Variants in ASTN2 observed in about 807,000 individuals in gnomAD.
The protein encoded by ASTN2 is astrotactin 2, also known as astrotactin-2.
A neutral mutation model predicts 139.8 loss-of-function variants in ASTN2; 54 were observed. The observed-to-expected ratio is 0.39, with a 90% CI of 0.31 to 0.48. The LOEUF is 0.48. Among genes scored for constraint, ASTN2 ranks in the 20% least tolerant of loss-of-function variants. The pLI is 0.95. For missense variants in ASTN2, 1,565 were observed against 1,725.1 expected (o/e 0.91, Z 1.64); for synonymous variants, 756 against 719.5 (o/e 1.05, Z -0.81).
chr9:117,074,407 C>T (rs1564413981), intron 5 of ASTN2, among the ~76,000 whole-genome samples: 1 of 152,188 alleles, frequency 6.6e-6, no homozygotes, highest in Non-Finnish European at 1.5e-5. Context: ...TAACATTTTT[C>T]CCAACCAGAC....
intron 6 of ASTN2, 84 bp from the exon 7 acceptor site, chr9:117,008,343 A>G (rs1837420275): frequency 2.4e-6 from 3 of 1,274,702 alleles, no homozygotes; most frequent in Non-Finnish European, 3.2e-6. Flanking sequence ...GGTGTGTACA[A>G]GCCACGTTCC....
intron 3 of ASTN2, among the ~76,000 whole-genome samples, chr9:117,155,720 A>C (rs377230516): frequency 3.9e-5 from 6 of 152,082 alleles, no homozygotes; most frequent in African/African-American, 1.4e-4. Context: ...AAAGCTCCAG[A>C]CATTGGACCT....
intron 20 of ASTN2, among the ~76,000 whole-genome samples, chr9:116,469,684 A>G (rs546631866): frequency 6.6e-6 from 1 of 152,340 alleles, no homozygotes; most frequent in African/African-American, 2.4e-5. Context: ...GTGATATTGC[A>G]TATATTCACT....
In ASTN2 at chr9:116,547,183, T is replaced by C. The variant is rs533729771; in HGVS notation, c.3356-59683A>G. On this transcript the variant is annotated intron_variant, in intron 19 of 22. Transcript: ENST00000313400. The stretch of plus-strand genomic sequence containing the variant: ...GGTCACAAGGGTGGACAGATGTATA[T>C]GGGATGGTGGTTCCCCATGTGTGGA... The C allele has an allele frequency of 2.0e-5, 3 of 152,322 alleles. No homozygotes were observed. The East Asian group carries it at 5.8e-4, about 29-fold the overall frequency. 9.4% of individuals were successfully genotyped at this position (152,322 alleles called of 1,614,324 possible).
chr9:117,236,374 G>A (rs1385875768), intron 2 of ASTN2, among the ~76,000 whole-genome samples: 1 of 152,146 alleles, frequency 6.6e-6, no homozygotes, highest in Non-Finnish European at 1.5e-5. Flanking sequence ...TTCATCCCTG[G>A]GCCAGAGGGA....
chr9:117,033,033 T>C (rs900027016), intron 6 of ASTN2, among the ~76,000 whole-genome samples: 7 of 152,166 alleles, frequency 4.6e-5, no homozygotes, highest in Non-Finnish European at 8.8e-5. Flanking sequence ...TTTAGCTAAG[T>C]AACATATTCA....
At chr9:117,005,743 C>T (rs1453831554) in intron 7 of ASTN2, among the ~76,000 whole-genome samples, 4 of 152,122 alleles carry the variant, frequency 2.6e-5, no homozygotes, top group Non-Finnish European at 5.9e-5. Flanking sequence ...ACTTCTCTCT[C>T]TCTCTCTCTC....
Position 116,453,593 on chromosome 9 carries a change from CAAAAAAAAAAAAAAAA to C in ASTN2, c.3498-11056_3498-11041del, listed in dbSNP as rs386416019. On this transcript the variant is annotated intron_variant, in intron 20 of 22. Transcript: ENST00000313400. Reference sequence around the variant, plus strand: ...TGGGCAAAAGTGCGAGACTCCGTCTCAAAAAAAAAAAAAAAAAAAAAAAAAAAGAATGAATAGCATG... The same window carrying C: ...TGGGCAAAAGTGCGAGACTCCGTCTCAAAAAAAAAAAGAATGAATAGCATG... 3.4e-5 allele frequency among the ~76,000 whole-genome samples: 2 copies of C among 58,786 alleles called. 1 individual carries two copies. 38.6% of individuals were successfully genotyped at this position (58,786 alleles called of 152,430 possible).
At chr9:117,271,718 C>T (rs1034094324) in intron 2 of ASTN2, among the ~76,000 whole-genome samples, 14 of 152,184 alleles carry the variant, frequency 9.2e-5, no homozygotes, top group African/African-American at 3.4e-4. Flanking sequence ...CTATGCAAGT[C>T]TGAAATCCAG....
In ASTN2 at chr9:116,791,002, A is replaced by G. The variant is rs951824888; in HGVS notation, c.2396+14630T>C. ...AAGAAAGAAAGAAAGAAAGAAAGAA[A>G]GAAAGAAAGAAAGAAAGAAAGAAAG... On this transcript the variant is annotated intron_variant, in intron 13 of 22. Transcript: ENST00000313400. 1.6e-5 allele frequency among the ~76,000 whole-genome samples: 2 copies of G among 122,614 alleles called. 1 individual carries two copies. The highest frequency in any genetic ancestry group is 3.4e-5 in the Non-Finnish European group (2 of 58,800). The allele number at this position is 122,614 out of a possible 152,430, so 80.4% of individuals were successfully genotyped here.
rs2132070452 is a variant in ASTN2, at chr9:116,697,901, C to T, written c.2806+27870G>A. ...GCCAGTGCCTGGAGAAGCTATTGGC[C>T]AGTAGCATCAATGGTGTCCGCTGTC... On this transcript the variant is annotated intron_variant, in intron 16 of 22. Transcript: ENST00000313400. 6.2e-7 allele frequency: 1 copy of T among 1,614,176 alleles called. No individual in the cohort carries two copies. The highest frequency in any genetic ancestry group is 8.5e-7 in the Non-Finnish European group (1 of 1,180,028).
chr9:116,843,515 CA>C (rs1832330651), intron 11 of ASTN2, among the ~76,000 whole-genome samples: 1 of 149,830 alleles, frequency 6.7e-6, no homozygotes, highest in African/African-American at 2.4e-5. Flanking sequence ...ACAAATTAGC[CA>C]GGGGTGGTGG....
intron 7 of ASTN2, among the ~76,000 whole-genome samples, chr9:116,980,887 T>C (rs1463326748): frequency 2.0e-5 from 3 of 152,154 alleles, no homozygotes; most frequent in Non-Finnish European, 4.4e-5. Context: ...TCTTCAACTC[T>C]GCTTCTGCAC....
intron 10 of ASTN2, among the ~76,000 whole-genome samples, chr9:116,865,312 A>AT (rs1371794139): frequency 2.7e-5 from 4 of 150,712 alleles, no homozygotes; most frequent in Non-Finnish European, 5.9e-5. Flanking sequence ...CTCTACAAAC[A>AT]TTTTTTAAAT....
intron 19 of ASTN2, among the ~76,000 whole-genome samples, chr9:116,537,275 T>C (rs189469329): frequency 6.6e-6 from 1 of 152,346 alleles, no homozygotes; most frequent in African/African-American, 2.4e-5. Context: ...TTGGCCATCT[T>C]GGAACCCAAA....
intron 1 of ASTN2, among the ~76,000 whole-genome samples, chr9:117,344,026 T>A (rs1466593407): frequency 6.6e-6 from 1 of 152,044 alleles, no homozygotes; most frequent in Non-Finnish European, 1.5e-5. Flanking sequence ...TCTTAGATGT[T>A]ACTCCAAAAA....
intron 13 of ASTN2, among the ~76,000 whole-genome samples, chr9:116,776,236 C>T (rs900163945): frequency 2.0e-5 from 3 of 152,176 alleles, no homozygotes; most frequent in African/African-American, 7.2e-5. Flanking sequence ...GATATATTCC[C>T]TCTTTTGTAA....
At chr9:117,373,391 G>T (rs1242508228) in intron 1 of ASTN2, among the ~76,000 whole-genome samples, 2 of 152,134 alleles carry the variant, frequency 1.3e-5, no homozygotes, top group Non-Finnish European at 2.9e-5. Flanking sequence ...CAAGGAAAGG[G>T]TTATCTTTAT....
chr9:117,357,514 G>A (rs1829574163), intron 1 of ASTN2, among the ~76,000 whole-genome samples: 1 of 151,952 alleles, frequency 6.6e-6, no homozygotes, highest in African/African-American at 2.4e-5. Flanking sequence ...GGGCACAGCA[G>A]GTTCAGAGTG....
Sources: allele counts gnomAD v4.1 joint callset (sites outside exome capture counted in the v4.1 genomes callset), GRCh38; gene constraint gnomAD v4.1.1; transcripts MANE v1.5; gene names NCBI Gene and HGNC (gene_info 2026-07-23, HGNC 2026-07-21).